The following TPO variants were observed in gnomAD, a reference collection of about 807,000 sequenced individuals.
TPO encodes the protein thyroid microsomal antigen.
TPO carries 78 observed loss-of-function variants against 96.9 expected under a neutral mutation model. The ratio of observed to expected loss-of-function variants is 0.81; its 90% CI spans 0.67 to 0.97. The LOEUF is 0.97. Among genes scored for constraint, TPO ranks in the 50% least tolerant of loss-of-function variants. TPO has a pLI of 0.00. For missense variants in TPO, 1,252 were observed against 1,274.8 expected (o/e 0.98, Z 0.27); for synonymous variants, 547 against 538.0 (o/e 1.02, Z -0.23).
intron 13 of TPO, 184 bp from the exon 14 acceptor site, chr2:1,503,764 T>C: frequency 9.0e-7 from 1 of 1,106,784 alleles, no homozygotes; most frequent in Non-Finnish European, 1.3e-6. Flanking sequence ...CACATCTGTC[T>C]GCTCCTCATC....
chr2:1,382,015 C>T (rs938914931), intron 1 of TPO, among the ~76,000 whole-genome samples: 1 of 152,110 alleles, frequency 6.6e-6, no homozygotes, highest in Non-Finnish European at 1.5e-5. Context: ...GGAGTTTTTA[C>T]CCCAATCCCA....
At chr2:1,492,398 G>A (rs924671168) in intron 10 of TPO, among the ~76,000 whole-genome samples, 5 of 152,016 alleles carry the variant, frequency 3.3e-5, no homozygotes, top group African/African-American at 7.2e-5. Flanking sequence ...CAGGCAATCC[G>A]CCCGCCTCGG....
At chr2:1,483,759 C>T (rs1289820945) in intron 8 of TPO, among the ~76,000 whole-genome samples, 1 of 152,194 alleles carries the variant, frequency 6.6e-6, no homozygotes, top group Admixed American at 6.5e-5. Flanking sequence ...ACAGCGAGGG[C>T]AGGTGCACCT....
At chr2:1,437,126 G>A (rs960081751) in intron 5 of TPO, among the ~76,000 whole-genome samples, 15 of 152,194 alleles carry the variant, frequency 9.9e-5, no homozygotes, top group South Asian at 8.3e-4. Flanking sequence ...AAGGATGAGT[G>A]GGCATTTCTC....
chr2:1,472,370 C>T (rs530800653), intron 7 of TPO, among the ~76,000 whole-genome samples: 70 of 151,746 alleles, frequency 4.6e-4, no homozygotes, highest in African/African-American at 1.7e-3. Context: ...GCTCTTCCCA[C>T]GATATGAGTG....
At chr2:1,376,345 G>A (rs575590555) in intron 1 of TPO, among the ~76,000 whole-genome samples, 2 of 152,270 alleles carry the variant, frequency 1.3e-5, no homozygotes, top group South Asian at 4.1e-4. Context: ...TTAAACAATG[G>A]TTTAGGGAGG....
At chr2:1,399,811 C>T (rs1212884568) in intron 1 of TPO, among the ~76,000 whole-genome samples, 5 of 152,212 alleles carry the variant, frequency 3.3e-5, no homozygotes, top group Non-Finnish European at 2.9e-5. Context: ...TCACACCTCT[C>T]TAGGAGCACC....
chr2:1,393,640 A>G (rs1414207893), intron 1 of TPO, among the ~76,000 whole-genome samples: 1 of 152,250 alleles, frequency 6.6e-6, no homozygotes, highest in Non-Finnish European at 1.5e-5. Context: ...GGAAACTCTC[A>G]TGAGAAAAAC....
chr2:1,400,874 T>C (rs1284022810), intron 1 of TPO, among the ~76,000 whole-genome samples: 1 of 152,192 alleles, frequency 6.6e-6, no homozygotes, highest in Non-Finnish European at 1.5e-5. Flanking sequence ...TACAAAAATC[T>C]CAAAAGCTGG....
chr2:1,455,518 G>A (rs1480897418), intron 6 of TPO, among the ~76,000 whole-genome samples: 1 of 152,230 alleles, frequency 6.6e-6, no homozygotes, highest in Non-Finnish European at 1.5e-5. Flanking sequence ...GACCTAGCCT[G>A]TGAGACAGGG....
intron 14 of TPO, among the ~76,000 whole-genome samples, chr2:1,509,701 A>AC (rs1282438518): frequency 1.0e-4 from 5 of 48,256 alleles, no homozygotes; most frequent in Non-Finnish European, 2.0e-4. Context: ...TTTCAGGCAC[A>AC]CCCCCCTTCT....
At chr2:1,482,229 C>A (rs1670718611) in intron 8 of TPO, among the ~76,000 whole-genome samples, 1 of 152,240 alleles carries the variant, frequency 6.6e-6, no homozygotes, top group African/African-American at 2.4e-5. Flanking sequence ...TCGTCCTGGT[C>A]TCCCCGTGTG....
chr2:1,453,732 C>A lies in TPO; in HGVS notation c.521C>A (p.Ala174Glu). The A allele has an allele frequency of 6.2e-7, 1 of 1,613,980 alleles. No individual in the cohort carries two copies. The highest frequency in any genetic ancestry group is 8.5e-7 in the Non-Finnish European group (1 of 1,180,042). Residue 174 changes from alanine to glutamate, a missense_variant, in exon 6 of 17, where the codon GCA (alanine) becomes GAA (glutamate). Coordinates refer to ENST00000329066, the MANE Select transcript of TPO (RefSeq NM_001206744.2). ...PRWGASNTAL[A>E]RWLPPVYEDG... ...TGGGGCGCCTCCAACACGGCCCTGG[C>A]ACGATGGCTCCCTCCAGTCTATGAG...
At chr2:1,441,752 T>C (rs1043595479) in intron 5 of TPO, among the ~76,000 whole-genome samples, 2 of 152,148 alleles carry the variant, frequency 1.3e-5, no homozygotes, top group African/African-American at 2.4e-5. Context: ...AGCAGTCACA[T>C]TGGCTGAGAA....
At chr2:1,494,577 C>G (rs1336700879) in intron 11 of TPO, among the ~76,000 whole-genome samples, 2 of 151,782 alleles carry the variant, frequency 1.3e-5, no homozygotes, top group Non-Finnish European at 2.9e-5. Context: ...TCAAGTTCAA[C>G]CTAGAATTTG....
chr2:1,471,685 A>C (rs974330767), intron 7 of TPO, among the ~76,000 whole-genome samples: 3 of 151,994 alleles, frequency 2.0e-5, no homozygotes, highest in African/African-American at 4.8e-5. Flanking sequence ...CCCCCAAACC[A>C]ATCATTTGAC....
intron 2 of TPO, among the ~76,000 whole-genome samples, chr2:1,422,334 T>C (rs879922027): frequency 1.6e-5 from 1 of 63,916 alleles, no homozygotes; most frequent in Non-Finnish European, 3.6e-5. Context: ...TGCAGGCGCC[T>C]CTCCTGGACC....
chr2:1,386,343 GAGTCTA>G (rs1273361795), intron 1 of TPO, among the ~76,000 whole-genome samples: 8 of 152,152 alleles, frequency 5.3e-5, no homozygotes, highest in African/African-American at 1.9e-4. Flanking sequence ...TATTGTGTGG[GAGTCTA>G]AGTCTCTTTG....
In TPO at chr2:1,496,059, C is replaced by T. The variant is rs121908087; in HGVS notation, c.2077C>T (p.Arg693Trp). The T allele has an allele frequency of 1.1e-5, 18 of 1,613,870 alleles. No homozygotes were observed. The highest frequency in any genetic ancestry group is 1.4e-5 in the Non-Finnish European group (17 of 1,180,028). ...RRELEKHSLS[R>W]VICDNTGLTR... ...TGAGCTGGAGAAGCACTCCCTGTCT[C>T]GGGTCATCTGTGACAACACTGGCCT... The change falls in exon 12 of 17, where the codon CGG (arginine) becomes TGG (tryptophan). Residue 693 changes from arginine to tryptophan, a missense_variant. Transcript: ENST00000329066.
Sources: allele counts gnomAD v4.1 joint callset (sites outside exome capture counted in the v4.1 genomes callset), GRCh38; gene constraint gnomAD v4.1.1; transcripts MANE v1.5; gene names NCBI Gene and HGNC (gene_info 2026-07-23, HGNC 2026-07-21).